Variants in PIK3C2G observed in about 807,000 individuals in gnomAD.
PIK3C2G encodes the protein phosphatidylinositol 3-kinase C2 domain-containing subunit gamma.
In PIK3C2G, 168 loss-of-function variants were observed where a neutral mutation model predicts 181.1. That is an observed-to-expected ratio of 0.93 (90% CI 0.82 to 1.05). The LOEUF is 1.05. Among genes scored for constraint, PIK3C2G ranks in the 50% least tolerant of loss-of-function variants. The pLI, the probability that PIK3C2G is intolerant of heterozygous loss-of-function variation, is 0.00. For missense variants in PIK3C2G, 1,869 were observed against 1,732.8 expected (o/e 1.08, Z -1.40); for synonymous variants, 573 against 592.2 (o/e 0.97, Z 0.47).
chr12:18,581,562 G>C (rs1018954733), intron 29 of PIK3C2G, among the ~76,000 whole-genome samples: 2 of 152,174 alleles, frequency 1.3e-5, no homozygotes, highest in East Asian at 3.9e-4. Flanking sequence ...GTGCCTTTAT[G>C]GACTGACAAG....
intron 17 of PIK3C2G, among the ~76,000 whole-genome samples, chr12:18,422,112 G>C (rs1565704506): frequency 1.3e-5 from 2 of 152,052 alleles, no homozygotes; most frequent in Admixed American, 1.3e-4. Context: ...TCATTTGAAA[G>C]TCTCTATCTG....
intron 16 of PIK3C2G, among the ~76,000 whole-genome samples, chr12:18,405,290 T>C (rs1379828534): frequency 1.3e-5 from 2 of 152,098 alleles, no homozygotes; most frequent in Non-Finnish European, 2.9e-5. Flanking sequence ...TTTCAGGCAG[T>C]AGTTGAAGCT....
At position 18,566,984 on chromosome 12, in the gene PIK3C2G, C is replaced by G; in HGVS notation, c.3938C>G (p.Ser1313Ter). Residue 1313 changes from serine to a stop codon, truncating the protein, a stop_gained, in exon 29 of 33, where the codon TCA (serine) becomes TGA (stop). Coordinates refer to ENST00000538779, the MANE Select transcript of PIK3C2G (RefSeq NM_001288772.2). LOFTEE classifies it high-confidence loss of function. ...PHWWHLPFTN[S>*]DHRRFRDLNH... ...TGGTGGCACCTACCTTTTACAAATT[C>G]AGATCACAGAAGATTCAGAGATCTA... is the stretch of plus-strand genomic sequence containing the variant. 2 of 1,600,842 alleles carry G rather than the reference C, an allele frequency of 1.2e-6. No individual in the cohort carries two copies. The highest frequency in any genetic ancestry group is 1.7e-6 in the Non-Finnish European group (2 of 1,168,778).
chr12:18,371,514 A>G (rs1340989593), intron 13 of PIK3C2G, among the ~76,000 whole-genome samples: 3 of 152,180 alleles, frequency 2.0e-5, no homozygotes, highest in Non-Finnish European at 2.9e-5. Flanking sequence ...CTCATGCTGA[A>G]CTTGTCAGCT....
At chr12:18,291,680 C>T (rs952905258) in intron 4 of PIK3C2G, among the ~76,000 whole-genome samples, 12 of 152,186 alleles carry the variant, frequency 7.9e-5, no homozygotes, top group African/African-American at 2.9e-4. Flanking sequence ...TGAGTTTCTA[C>T]ATATCAACAG....
intron 18 of PIK3C2G, among the ~76,000 whole-genome samples, chr12:18,483,549 T>G (rs1939756859): frequency 6.6e-6 from 1 of 152,184 alleles, no homozygotes; most frequent in Non-Finnish European, 1.5e-5. Context: ...ACATGTTAAT[T>G]ACTTTTATAG....
chr12:18,570,398 G>A (rs553360605), intron 29 of PIK3C2G, among the ~76,000 whole-genome samples: 13 of 148,566 alleles, frequency 8.8e-5, no homozygotes, highest in South Asian at 4.2e-4. Context: ...TAATAGAGAC[G>A]GGGTTTTGCC....
the PIK3C2G span, chr12:18,700,033 C>G: frequency 8.9e-4 from 989 of 1,109,032 alleles, 5 homozygotes; most frequent in Middle Eastern, 4.1e-3. Context: ...AATACACTTT[C>G]AAACAAATGA....
chr12:18,387,731 T>C (rs528630351), intron 14 of PIK3C2G, among the ~76,000 whole-genome samples: 1 of 152,302 alleles, frequency 6.6e-6, no homozygotes, highest in South Asian at 2.1e-4. Flanking sequence ...TCCTTCCCAC[T>C]GACTGAGTGA....
chr12:18,656,266 C>A, the PIK3C2G span, among the ~76,000 whole-genome samples: 1 of 151,908 alleles, frequency 6.6e-6, no homozygotes, highest in Non-Finnish European at 1.5e-5. Flanking sequence ...CTGTCTATAC[C>A]AAAAAAGCAT....
At chr12:18,512,422 A>G (rs1942269203) in intron 24 of PIK3C2G, among the ~76,000 whole-genome samples, 1 of 151,996 alleles carries the variant, frequency 6.6e-6, no homozygotes, top group African/African-American at 2.4e-5. Context: ...TTTTAAAAAT[A>G]TTAATTCTTC....
the PIK3C2G span, among the ~76,000 whole-genome samples, chr12:18,704,970 T>C: frequency 1.0e-3 from 156 of 152,112 alleles, no homozygotes; most frequent in Non-Finnish European, 1.2e-3. Flanking sequence ...TATATATATA[T>C]AAATTTTAAT....
intron 26 of PIK3C2G, among the ~76,000 whole-genome samples, chr12:18,552,523 G>T (rs1944788501): frequency 6.6e-6 from 1 of 151,980 alleles, no homozygotes; most frequent in Non-Finnish European, 1.5e-5. Context: ...GGGAGATAGG[G>T]ACACAGAACC....
In PIK3C2G at chr12:18,419,054, G is replaced by A. The variant is rs117665927; in HGVS notation, c.2316-1887G>A. Reference sequence around the variant, plus strand: ...GAAGGCTGGTAGTAAAGATGTTTACGTGTAACGACAATGAGTTCAGGTTGA... The same window carrying A: ...GAAGGCTGGTAGTAAAGATGTTTACATGTAACGACAATGAGTTCAGGTTGA... On this transcript the variant is annotated intron_variant, in intron 16 of 32. Transcript: ENST00000538779. Among the ~76,000 whole-genome samples the A allele has an allele frequency of 1.2e-4, 19 of 152,286 alleles. No homozygotes were observed. The East Asian group carries it at 3.1e-3, about 25-fold the overall frequency.
chr12:18,457,290 C>G (rs1332448698), intron 18 of PIK3C2G, among the ~76,000 whole-genome samples: 1 of 152,122 alleles, frequency 6.6e-6, no homozygotes. Context: ...TCATATATTA[C>G]CCCTCTCTTT....
At chr12:18,357,753 A>T (rs75619489) in intron 11 of PIK3C2G, among the ~76,000 whole-genome samples, 2,565 of 152,308 alleles carry the variant, frequency 0.017, 29 homozygotes, top group South Asian at 0.025. Context: ...GACCTTTTTC[A>T]TCTGGCATGG....
chr12:18,462,755 G>A (rs1393511888), intron 18 of PIK3C2G, among the ~76,000 whole-genome samples: 1 of 152,164 alleles, frequency 6.6e-6, no homozygotes, highest in Non-Finnish European at 1.5e-5. Flanking sequence ...GGCAAGTTGG[G>A]TTTCTGACTC....
At chr12:18,310,276 A>G (rs1950584815) in intron 5 of PIK3C2G, among the ~76,000 whole-genome samples, 1 of 151,934 alleles carries the variant, frequency 6.6e-6, no homozygotes, top group African/African-American at 2.4e-5. Flanking sequence ...AGATGACACA[A>G]AATTGTTATC....
At chr12:18,295,608 CAT>C (rs1193038779) in intron 5 of PIK3C2G, among the ~76,000 whole-genome samples, 7 of 151,810 alleles carry the variant, frequency 4.6e-5, no homozygotes, top group Non-Finnish European at 8.8e-5. Context: ...AATAAATGTA[CAT>C]GTTAATGTTT....
Sources: gnomAD v4.1 joint callset for allele counts (sites outside exome capture counted in the v4.1 genomes callset) on GRCh38, gnomAD v4.1.1 for gene constraint, MANE v1.5 for transcripts, NCBI Gene and HGNC (gene_info 2026-07-23, HGNC 2026-07-21) for gene names.